Variants in PLD5 observed in about 807,000 individuals in gnomAD.
The protein encoded by PLD5 is inactive phospholipase D5.
Under a neutral mutation model 61.1 loss-of-function variants are expected in PLD5, and 36 were observed. That is an observed-to-expected ratio of 0.59 (90% CI 0.45 to 0.78). The LOEUF (loss-of-function observed/expected upper bound fraction) is 0.78, where lower values mean the gene tolerates loss of function less well. PLD5 is among the 30% of genes least tolerant of loss of function. PLD5 has a pLI of 0.00. For synonymous variants in PLD5, 243 were observed against 242.8 expected (o/e 1.00, Z -0.01); for missense variants, 515 against 644.4 (o/e 0.80, Z 2.17).
intron 5 of PLD5, among the ~76,000 whole-genome samples, chr1:242,205,897 G>GA (rs1265428843): frequency 6.6e-6 from 1 of 152,186 alleles, no homozygotes; most frequent in African/African-American, 2.4e-5. Flanking sequence ...GACAAGAGGA[G>GA]AAAATCAAAG....
chr1:242,205,496 A>G (rs1669265098), intron 5 of PLD5, among the ~76,000 whole-genome samples: 1 of 152,198 alleles, frequency 6.6e-6, no homozygotes, highest in Non-Finnish European at 1.5e-5. Flanking sequence ...TTTAAGATGC[A>G]CATGCAAACA....
Position 242,403,741 on chromosome 1 carries a change from G to A in PLD5, c.190-55499C>T, listed in dbSNP as rs551788707. 7.9e-5 allele frequency among the ~76,000 whole-genome samples: 12 copies of A among 152,166 alleles called. No homozygotes were observed. In the East Asian group the frequency reaches 1.4e-3, roughly 17 times the overall value. On this transcript the variant is annotated intron_variant, in intron 1 of 9. Transcript: ENST00000536534. The stretch of plus-strand genomic sequence containing the variant: ...CCTTGGCCTGGATAGGCTATTTTGA[G>A]AGGCCTCCCACATGTCTGGAAGCTC...
intron 1 of PLD5, among the ~76,000 whole-genome samples, chr1:242,522,336 G>A (rs1176099576): frequency 6.6e-6 from 1 of 152,176 alleles, no homozygotes; most frequent in Non-Finnish European, 1.5e-5. Context: ...AATCCTCAGA[G>A]GAGGCTGAGC....
chr1:242,163,572 C>A (rs1666054428), intron 5 of PLD5, among the ~76,000 whole-genome samples: 1 of 152,154 alleles, frequency 6.6e-6, no homozygotes, highest in Non-Finnish European at 1.5e-5. Flanking sequence ...GATGTTTAAT[C>A]ATCATGTCAG....
chr1:242,203,860 T>G (rs1669147815), intron 5 of PLD5: 1 of 152,250 alleles, frequency 6.6e-6, no homozygotes. Flanking sequence ...GGTCTTCATT[T>G]ATTTTCACAC....
chr1:242,339,902 A>G (rs1385870307), intron 2 of PLD5, among the ~76,000 whole-genome samples: 1 of 152,190 alleles, frequency 6.6e-6, no homozygotes, highest in African/African-American at 2.4e-5. Context: ...TACAACTGGA[A>G]AAGAGAGGGA....
intron 4 of PLD5, among the ~76,000 whole-genome samples, chr1:242,239,489 C>A (rs1208053456): frequency 8.5e-5 from 13 of 152,182 alleles, no homozygotes; most frequent in Non-Finnish European, 1.6e-4. Context: ...CTTTGAAGAT[C>A]TTTCCTTTAT....
Position 242,475,436 on chromosome 1 carries a change from A to AG in PLD5, c.189+48651_189+48652insC, listed in dbSNP as rs998473948. On this transcript the variant is annotated intron_variant, in intron 1 of 9. Transcript: ENST00000536534. The stretch of plus-strand genomic sequence containing the variant: ...AGACTCCGTCTCAAAAAAAAAAAAA[A>AG]AAAAAGAAAACAATAAAAGAAAGGC... Among the ~76,000 whole-genome samples, 8 of 151,510 alleles carry AG rather than the reference A, an allele frequency of 5.3e-5. No homozygotes were observed. In the South Asian group the frequency reaches 1.0e-3, roughly 20 times the overall value.
At chr1:242,452,260 G>A (rs1368600662) in intron 1 of PLD5, among the ~76,000 whole-genome samples, 1 of 152,098 alleles carries the variant, frequency 6.6e-6, no homozygotes, top group African/African-American at 2.4e-5. Flanking sequence ...CAAGGGACTA[G>A]GAGGAAGGAT....
At chr1:242,389,328 T>C (rs1036630863) in intron 1 of PLD5, among the ~76,000 whole-genome samples, 4 of 152,296 alleles carry the variant, frequency 2.6e-5, no homozygotes, top group African/African-American at 9.6e-5. Context: ...AGAGCATTTG[T>C]AATTTAATAC....
At chr1:242,204,470 C>A (rs12031113) in intron 5 of PLD5, among the ~76,000 whole-genome samples, 1 of 152,074 alleles carries the variant, frequency 6.6e-6, no homozygotes, top group Non-Finnish European at 1.5e-5. Flanking sequence ...TGCTGTACTG[C>A]TGACCAGGTC....
At chr1:242,164,871 G>A (rs915543685) in intron 5 of PLD5, among the ~76,000 whole-genome samples, 3 of 150,102 alleles carry the variant, frequency 2.0e-5, no homozygotes, top group African/African-American at 7.5e-5. Context: ...CTCTGAAGGT[G>A]CTTTTCTTTT....
At chr1:242,381,542 G>GAA (rs955265142) in intron 1 of PLD5, among the ~76,000 whole-genome samples, 9 of 152,202 alleles carry the variant, frequency 5.9e-5, no homozygotes, top group African/African-American at 1.7e-4. Flanking sequence ...ATGTACCCTG[G>GAA]AACTTAAAAT....
chr1:242,497,979 T>G (rs10926755), intron 1 of PLD5, among the ~76,000 whole-genome samples: 52,826 of 152,118 alleles, frequency 0.35, 9,866 homozygotes, highest in East Asian at 0.6. Flanking sequence ...ATTTAATTTT[T>G]TTTGAGATGG....
chr1:242,323,887 A>G (rs1658581200), intron 2 of PLD5, among the ~76,000 whole-genome samples: 1 of 152,214 alleles, frequency 6.6e-6, no homozygotes, highest in African/African-American at 2.4e-5. Context: ...GAAGCAGAAA[A>G]GTCATACATG....
Position 242,409,112 on chromosome 1 carries a change from C to A in PLD5, c.190-60870G>T, listed in dbSNP as rs138681451. On this transcript the variant is annotated intron_variant, in intron 1 of 9. Coordinates refer to ENST00000536534, the MANE Select transcript of PLD5 (RefSeq NM_001372062.1). ...AAAAGAAAAGAAAAACAAGAAGCAC[C>A]TTTCAGTCTAAGCTTATATGGAGGG... 3.9e-3 allele frequency among the ~76,000 whole-genome samples: 600 copies of A among 151,960 alleles called. 6 individuals are homozygous for A. The highest frequency in any genetic ancestry group is 0.014 in the African/African-American group (571 of 41,460).
chr1:242,219,895 G>T, intron 5 of PLD5, 93 bp downstream of exon 5: 1 of 1,466,782 alleles, frequency 6.8e-7, no homozygotes, highest in Non-Finnish European at 9.3e-7. Context: ...AATGCTGTAG[G>T]TTTTAGGATC....
chr1:242,233,120 C>T lies in PLD5; in HGVS notation c.608-13005G>A, dbSNP rs542528084. ...AGTGAGCTGAGATTGTGCCACTGCA[C>T]TCCAGTCTGGGTGACAGAGCAAGAT... On this transcript the variant is annotated intron_variant, in intron 4 of 9. Transcript: ENST00000536534. 3.9e-5 allele frequency among the ~76,000 whole-genome samples: 6 copies of T among 152,170 alleles called. No individual in the cohort carries two copies. The South Asian group carries it at 6.2e-4, about 16-fold the overall frequency.
chr1:242,397,782 TTC>T (rs201372151), intron 1 of PLD5, among the ~76,000 whole-genome samples: 14,387 of 144,494 alleles, frequency 0.1, 791 homozygotes, highest in African/African-American at 0.18. Context: ...CTTCTTCTTC[TTC>T]TTTTTTTTTT....
Sources: allele counts gnomAD v4.1 joint callset (sites outside exome capture counted in the v4.1 genomes callset), GRCh38; gene constraint gnomAD v4.1.1; transcripts MANE v1.5; gene names NCBI Gene and HGNC (gene_info 2026-07-23, HGNC 2026-07-21).